Variants in ZNF518B observed in about 807,000 individuals in gnomAD.
ZNF518B encodes the protein zinc finger protein 518B.
In ZNF518B, 23 loss-of-function variants were observed where a neutral mutation model predicts 56.3. The observed-to-expected ratio is 0.41, with a 90% CI of 0.29 to 0.58. The LOEUF (loss-of-function observed/expected upper bound fraction) is 0.58, where lower values mean the gene tolerates loss of function less well. Among genes scored for constraint, ZNF518B ranks in the 20% least tolerant of loss-of-function variants. The pLI is 0.32. For synonymous variants in ZNF518B, 529 were observed against 465.9 expected (o/e 1.14, Z -1.74); for missense variants, 1,460 against 1,272.1 (o/e 1.15, Z -2.25).
upstream of ZNF518B, chr4:10,457,541 G>A (rs1015768007): frequency 2.0e-5 from 3 of 152,382 alleles, no homozygotes; most frequent in Non-Finnish European, 4.4e-5. Flanking sequence ...GTCCAGAGCG[G>A]GGAGCCTCAG....
chr4:10,460,320 AAAAC>A (rs1715703458), upstream of ZNF518B, among the ~76,000 whole-genome samples: 1 of 88,336 alleles, frequency 1.1e-5, no homozygotes, highest in Non-Finnish European at 1.8e-5. Context: ...AAAAAAAAAA[AAAAC>A]CAAAAAAAAA....
upstream of ZNF518B, among the ~76,000 whole-genome samples, chr4:10,460,241 G>A (rs1715698672): frequency 1.4e-5 from 2 of 145,804 alleles, no homozygotes; most frequent in Admixed American, 1.4e-4. Context: ...AGAGACGGAG[G>A]GTGTAGTGAG....
At position 10,444,293 on chromosome 4, in the gene ZNF518B, G is replaced by A. The variant is rs764692335; in HGVS notation, c.2036C>T (p.Pro679Leu). The change falls in exon 3 of 3, where the codon CCG (proline) becomes CTG (leucine). Residue 679 changes from proline to leucine, a missense_variant. Coordinates refer to ENST00000326756, the MANE Select transcript of ZNF518B (RefSeq NM_053042.3). ...IAQLIESCGK[P>L]SSLASNSAHR... ...TGCACTATTTGAAGCCAAAGATGAC[G>A]GCTTCCCACAGGACTCAATTAACTG... The A allele has an allele frequency of 6.8e-6, 11 of 1,614,128 alleles. No individual in the cohort carries two copies. Among genetic ancestry groups the A allele is most frequent in the Middle Eastern group, 3.3e-4 (2 of 6,062 alleles).
rs1485622135 is a variant in ZNF518B, at chr4:10,457,350, G to C, written c.-429C>G. 6.6e-6 allele frequency: 1 copy of C among 151,880 alleles called. No homozygotes were observed. Among genetic ancestry groups the C allele is most frequent in the African/African-American group, 2.4e-5 (1 of 41,394 alleles). 9.4% of individuals were successfully genotyped at this position (151,880 alleles called of 1,614,324 possible). A position where few individuals can be genotyped will look rare whatever the true frequency, so the allele number is the denominator to read the frequency against. ...CCGGATTCGGGTGCCAGGTCCCGGC[G>C]AAGGGGCGTCTACACCGCCGGCCGC... On this transcript the variant is annotated 5_prime_UTR_variant, in exon 1 of 3. Coordinates refer to ENST00000326756, the MANE Select transcript of ZNF518B (RefSeq NM_053042.3).
upstream of ZNF518B, among the ~76,000 whole-genome samples, chr4:10,459,906 C>T (rs1168268055): frequency 6.6e-6 from 1 of 152,098 alleles, no homozygotes; most frequent in Admixed American, 6.5e-5. Flanking sequence ...ATGCACCCTC[C>T]TAGTTATGAC....
In ZNF518B at chr4:10,443,323, T is replaced by G; in HGVS notation, c.3006A>C (p.Gln1002His). The G allele has an allele frequency of 6.2e-7, 1 of 1,614,202 alleles. No homozygotes were observed. Among genetic ancestry groups the G allele is most frequent in the South Asian group, 1.1e-5 (1 of 91,076 alleles). ...LTYQNAEEAS[Q>H]IKRQMMLKMK... ...TTTTCAACATCATTTGCCTTTTAAT[T>G]TGACTGGCTTCTTCCGCATTCTGGT... is the stretch of plus-strand genomic sequence containing the variant. Residue 1002 changes from glutamine to histidine, a missense_variant, in exon 3 of 3, where the codon CAA becomes CAC. By Grantham distance (24) the Gln-to-His change is conservative. Coordinates refer to ENST00000326756, the MANE Select transcript of ZNF518B (RefSeq NM_053042.3).
rs1714947664 is a variant in ZNF518B at position 10,445,378 on chromosome 4, G to T, written c.951C>A (p.Ser317=). ...ENKNVEVEVL[S]PAKEPVQPGM... The stretch of plus-strand genomic sequence containing the variant: ...CTGGCTGAACAGGTTCTTTTGCAGG[G>T]GATAACACTTCTACTTCAACATTTT... Residue 317 remains serine, a synonymous_variant, in exon 3 of 3, where the codon TCC becomes TCA. Coordinates refer to ENST00000326756, the MANE Select transcript of ZNF518B (RefSeq NM_053042.3). 1.2e-6 allele frequency: 2 copies of T among 1,614,186 alleles called. No homozygotes were observed. The highest frequency in any genetic ancestry group is 1.1e-5 in the South Asian group (1 of 91,076).
rs140548717 is a variant in ZNF518B at position 10,446,221 on chromosome 4, A to G, written c.108T>C (p.Asn36=). 3.1e-6 allele frequency: 5 copies of G among 1,614,158 alleles called. No individual in the cohort carries two copies. The highest frequency in any genetic ancestry group is 1.1e-5 in the South Asian group (1 of 91,076). Residue 36 remains asparagine (N), a synonymous_variant, in exon 3 of 3, where the codon AAT becomes AAC. Coordinates refer to ENST00000326756, the MANE Select transcript of ZNF518B (RefSeq NM_053042.3). The stretch of plus-strand genomic sequence containing the variant: ...ACAAAAGGGTTTGTGCTTCTTGTCT[A>G]TTTGGCCGAGGTGCTCCATTAGCAT... ...QPDANGAPRP[N]RQEAQTLLYQ...
At position 10,443,840 on chromosome 4, in the gene ZNF518B, C is replaced by T. The variant is rs1489690534; in HGVS notation, c.2489G>A (p.Arg830Lys). The T allele has an allele frequency of 2.5e-6, 4 of 1,614,198 alleles. No individual in the cohort carries two copies. Among genetic ancestry groups the T allele is most frequent in the Non-Finnish European group, 3.4e-6 (4 of 1,180,026 alleles). Residue 830 changes from arginine (R) to lysine (K), a missense_variant, in exon 3 of 3, where the codon AGG (arginine) becomes AAG (lysine). Physicochemically the swap from Arg to Lys is conservative, Grantham distance 26 (BLOSUM62 2). Coordinates refer to ENST00000326756, the MANE Select transcript of ZNF518B (RefSeq NM_053042.3). ...DSDLQPLRSE[R>K]GPIDMSPNIE... ...ATTTGGGGACATATCTATTGGCCCCCTTTCACTTCTTAAAGGCTGTAAGTC... is the reference window on the plus strand; with the variant it reads ...ATTTGGGGACATATCTATTGGCCCCTTTTCACTTCTTAAAGGCTGTAAGTC...
Position 10,443,760 on chromosome 4 carries a change from T to C in ZNF518B, c.2569A>G (p.Ile857Val), listed in dbSNP as rs1714802692. ...TACAAGAGGCCAGTTTTTCTATGGATGGTGCTACAGACAGCACTCTCTTTT... is the reference window on the plus strand; with the variant it reads ...TACAAGAGGCCAGTTTTTCTATGGACGGTGCTACAGACAGCACTCTCTTTT... ...LRKESAVCST[I>V]HRKTGLLYGQ... Residue 857 changes from isoleucine to valine, a missense_variant, in exon 3 of 3, where the codon ATC (isoleucine) becomes GTC (valine). Transcript: ENST00000326756. 1 of 1,614,228 alleles carries C rather than the reference T, an allele frequency of 6.2e-7. No individual in the cohort carries two copies. Among genetic ancestry groups the C allele is most frequent in the Non-Finnish European group, 8.5e-7 (1 of 1,180,038 alleles).
rs143327023 is a variant in ZNF518B, at chr4:10,442,838, C to T, written c.*266G>A. 431 of 399,900 alleles carry T rather than the reference C, an allele frequency of 1.1e-3. No homozygotes were observed. Among genetic ancestry groups the T allele is most frequent in the Admixed American group, 1.5e-3 (38 of 24,610 alleles). 24.8% of individuals were successfully genotyped at this position (399,900 alleles called of 1,614,324 possible). ...AAACAAAGAAAAGTCTCAGATCCCACTGAAAATCTGTTCAGTTTCACAGGC... is the reference window on the plus strand; with the variant it reads ...AAACAAAGAAAAGTCTCAGATCCCATTGAAAATCTGTTCAGTTTCACAGGC... On this transcript the variant is annotated 3_prime_UTR_variant, in exon 3 of 3. Coordinates refer to ENST00000326756, the MANE Select transcript of ZNF518B (RefSeq NM_053042.3).
intron 1 of ZNF518B, among the ~76,000 whole-genome samples, chr4:10,455,270 G>C (rs537335905): frequency 6.6e-6 from 1 of 152,292 alleles, no homozygotes; most frequent in Admixed American, 6.5e-5. Context: ...TGTTTAGACT[G>C]GCTGATCTGT....
At chr4:10,459,813 T>C (rs1715686474), upstream of ZNF518B, among the ~76,000 whole-genome samples, 1 of 152,168 alleles carries the variant, frequency 6.6e-6, no homozygotes, top group Non-Finnish European at 1.5e-5. Flanking sequence ...CATGGCCCTG[T>C]GGACCCCTTG....
At chr4:10,454,119 G>GT (rs1196290490) in intron 2 of ZNF518B, 1 of 152,250 alleles carries the variant, frequency 6.6e-6, no homozygotes, top group Non-Finnish European at 1.5e-5. Flanking sequence ...AATGGCAATA[G>GT]TAATATCGAC....
Position 10,446,055 on chromosome 4 carries a change from C to T in ZNF518B, c.274G>A (p.Gly92Ser), listed in dbSNP as rs10007352. Residue 92 changes from glycine (G) to serine (S), a missense_variant, in exon 3 of 3, where the codon GGT becomes AGT. Coordinates refer to ENST00000326756, the MANE Select transcript of ZNF518B (RefSeq NM_053042.3). ...GMYVCFQCSL[G>S]AAPPNFHFVS... The stretch of plus-strand genomic sequence containing the variant: ...AAATGAAAATTGGGAGGAGCTGCAC[C>T]GAGGCTGCACTGGAAGCAGACATAC... 0.026 allele frequency: 42,456 copies of T among 1,613,962 alleles called. 4,002 individuals carry two copies. The African/African-American group carries it at 0.27, about 10-fold the overall frequency.
rs751056791 is a variant in ZNF518B, at chr4:10,445,035, C to A, written c.1294G>T (p.Val432Leu). ...QPSVQKQLKN[V>L]KWVRSYDFIM... is the part of the protein sequence containing the mutation. ...AAATCATAAGACCTTACCCATTTCA[C>A]ATTTTTAAGCTGTTTCTGAACTGAA... Residue 432 changes from valine (V) to leucine (L), a missense_variant, in exon 3 of 3, where the codon GTG becomes TTG. Physicochemically the swap from Val to Leu is conservative, Grantham distance 32. Transcript: ENST00000326756. 6.2e-7 allele frequency: 1 copy of A among 1,614,192 alleles called. No individual in the cohort carries two copies. Among genetic ancestry groups the A allele is most frequent in the Non-Finnish European group, 8.5e-7 (1 of 1,180,036 alleles).
chr4:10,454,681 C>T (rs2108997168), intron 2 of ZNF518B, 124 bp downstream of exon 2: 1 of 152,340 alleles, frequency 6.6e-6, no homozygotes, highest in Admixed American at 6.5e-5. Flanking sequence ...TTGAAGATCA[C>T]AGAGTTGGTG....
chr4:10,460,307 A>AAAAAAAAAT (rs1715701482), upstream of ZNF518B, among the ~76,000 whole-genome samples: 2 of 88,364 alleles, frequency 2.3e-5, 1 homozygote, highest in Non-Finnish European at 3.7e-5. Context: ...TCTGTCTCAA[A>AAAAAAAAAT]AAAAAAAAAA....
At position 10,445,682 on chromosome 4, in the gene ZNF518B, G is replaced by A. The variant is rs1272004931; in HGVS notation, c.647C>T (p.Ala216Val). 6.2e-7 allele frequency: 1 copy of A among 1,614,018 alleles called. No individual in the cohort carries two copies. Among genetic ancestry groups the A allele is most frequent in the Non-Finnish European group, 8.5e-7 (1 of 1,180,036 alleles). Residue 216 changes from alanine to valine, a missense_variant, in exon 3 of 3, where the codon GCA becomes GTA. Ala to Val is a moderately conservative substitution (Grantham distance 64, BLOSUM62 0). Transcript: ENST00000326756. ...AGCTTTGACTGGCCGTTTCGCACCT[G>A]CCCTTTCATGTACTCTCTTCGTGTG... ...VKHTKRVHER[A>V]GAKRPVKAVA...
Sources: allele counts gnomAD v4.1 joint callset (sites outside exome capture counted in the v4.1 genomes callset), GRCh38; gene constraint gnomAD v4.1.1; transcripts MANE v1.5; gene names NCBI Gene and HGNC (gene_info 2026-07-23, HGNC 2026-07-21).